Variants in MEIS3 observed in about 807,000 individuals in gnomAD.
The protein encoded by MEIS3 is homeobox protein Meis3.
Under a neutral mutation model 51.4 loss-of-function variants are expected in MEIS3, and 38 were observed. The observed-to-expected ratio is 0.74, with a 90% CI of 0.57 to 0.97. The LOEUF is 0.97. Ranked by LOEUF, MEIS3 falls within the 50% of genes least tolerant of loss-of-function variation. The pLI, the probability that MEIS3 is intolerant of heterozygous loss-of-function variation, is 0.00. For synonymous variants in MEIS3, 198 were observed against 201.8 expected, an observed-to-expected ratio of 0.98 and a Z score of 0.16; for missense variants, 456 against 502.6, an observed-to-expected ratio of 0.91 and a Z score of 0.89.
intron 1 of MEIS3, chr19:47,418,835 AAGG>A (rs1191154178): frequency 7.8e-6 from 3 of 383,566 alleles, no homozygotes; most frequent in Non-Finnish European, 1.4e-5. Context: ...GGGCAGGGAG[AAGG>A]AGAAGCTAAA....
chr19:47,421,540 A>T (rs1050770618), upstream of MEIS3, among the ~76,000 whole-genome samples: 1 of 151,842 alleles, frequency 6.6e-6, no homozygotes, highest in African/African-American at 2.4e-5. Flanking sequence ...CTCTTTATCA[A>T]CCGCTCTGTG....
rs760904799 is a variant in MEIS3 at position 47,409,177 on chromosome 19, T to C, written c.780A>G (p.Arg260=). The C allele has an allele frequency of 6.2e-7, 1 of 1,612,740 alleles. No individual in the cohort carries two copies. Among genetic ancestry groups the C allele is most frequent in the Non-Finnish European group, 8.5e-7 (1 of 1,179,996 alleles). ...GGEDEDLDQE[R]RRNKKRGIFP... ...AGATCCCCCTCTTCTTGTTTCGCCG[T>C]CGCTCCTGGTCCAAGTCCTCATCTT... Residue 260 remains arginine (R), a synonymous_variant, in exon 8 of 13, where the codon CGA becomes CGG. Coordinates refer to ENST00000558555, the MANE Select transcript of MEIS3 (RefSeq NM_001301059.2).
intron 4 of MEIS3, 21 bp from the exon 5 acceptor site, chr19:47,415,122 TGG>T: frequency 1.8e-6 from 1 of 559,390 alleles, no homozygotes; most frequent in Non-Finnish European, 2.2e-6. Flanking sequence ...GGGCGGGAGG[TGG>T]GGGGAGACAG....
chr19:47,408,953 T>C, intron 8 of MEIS3, 146 bp downstream of exon 8: 1 of 904,112 alleles, frequency 1.1e-6, no homozygotes, highest in Non-Finnish European at 1.7e-6. Context: ...CTGGCTCCTG[T>C]CACAATTCTC....
At chr19:47,412,317 T>C (rs1971174052) in intron 6 of MEIS3, 1 of 152,306 alleles carries the variant, frequency 6.6e-6, no homozygotes, top group East Asian at 1.9e-4. Context: ...TTAACTGTAT[T>C]CTTCTACCAA....
rs933578878 is a variant in MEIS3, at chr19:47,403,421, C to A, written c.*150G>T. The A allele has an allele frequency of 8.8e-6, 4 of 454,852 alleles. No homozygotes were observed. In the East Asian group the frequency reaches 2.8e-4, roughly 32 times the overall value. The allele number at this position is 454,852 out of a possible 1,614,324, so 28.2% of individuals were successfully genotyped here. On this transcript the variant is annotated 3_prime_UTR_variant, in exon 13 of 13. Transcript: ENST00000558555. The stretch of plus-strand genomic sequence containing the variant: ...GAGCCCTTGGATGGGCACTCAGGCC[C>A]CCATGTCCCAGCAGGGCCCTAGGGA...
chr19:47,417,328 G>C lies in MEIS3; in HGVS notation c.35C>G (p.Pro12Arg). The C allele has an allele frequency of 1.2e-6, 2 of 1,613,544 alleles. No homozygotes were observed. The highest frequency in any genetic ancestry group is 1.7e-6 in the Non-Finnish European group (2 of 1,179,848). ...GGCTGCGGGGCCATCCACGATGCCT[G>C]GGTAGTGCGGCAGCTCATCATACTG... ...ARRYDELPHY[P>R]GIVDGPAALA... The change falls in exon 2 of 13, where the codon CCA becomes CGA. Residue 12 changes from proline (P) to arginine (R), a missense_variant. Pro to Arg is a moderately radical substitution (Grantham distance 103). Coordinates refer to ENST00000558555, the MANE Select transcript of MEIS3 (RefSeq NM_001301059.2).
intron 1 of MEIS3, 53 bp from the exon 2 acceptor site, chr19:47,417,403 C>CT: frequency 6.2e-7 from 1 of 1,600,832 alleles, no homozygotes; most frequent in Non-Finnish European, 8.5e-7. Context: ...GTCAGCACCC[C>CT]GAGACTCGGC....
chr19:47,406,581 G>T, intron 11 of MEIS3, 55 bp from the exon 12 acceptor site: 1 of 1,546,514 alleles, frequency 6.5e-7, no homozygotes, highest in Non-Finnish European at 8.9e-7. Flanking sequence ...ACCCCCAGAT[G>T]CCTCTAAGTC....
chr19:47,407,871 G>A (rs1320528678), intron 8 of MEIS3, among the ~76,000 whole-genome samples: 3 of 151,832 alleles, frequency 2.0e-5, no homozygotes, highest in East Asian at 1.9e-4. Context: ...GCAGTGGCGC[G>A]ATCTCTGCTC....
In MEIS3 at chr19:47,409,162, C is replaced by T; in HGVS notation, c.795G>A (p.Lys265=). ...TGGCCACCTTGGGGAAGATCCCCCT[C>T]TTCTTGTTTCGCCGTCGCTCCTGGT... is the stretch of plus-strand genomic sequence containing the variant. ...DLDQERRRNK[K]RGIFPKVATN... is the part of the protein sequence containing the mutation. The change falls in exon 8 of 13, where the codon AAG becomes AAA. Residue 265 remains lysine (K), a synonymous_variant. Transcript: ENST00000558555. 6.2e-7 allele frequency: 1 copy of T among 1,612,558 alleles called. No individual in the cohort carries two copies. Among genetic ancestry groups the T allele is most frequent in the South Asian group, 1.1e-5 (1 of 91,032 alleles).
chr19:47,416,660 C>T lies in MEIS3; in HGVS notation c.388G>A (p.Asp130Asn), dbSNP rs1322997331. The T allele has an allele frequency of 6.5e-7, 1 of 1,545,204 alleles. No individual in the cohort carries two copies. Among genetic ancestry groups the T allele is most frequent in the Non-Finnish European group, 8.7e-7 (1 of 1,144,128 alleles). ...GAGGGCTCGGGTCTCACCAGATTGT[C>T]CAGTTCTGGGTTGGAGGAGAAGAGG... ...RPLFSSNPEL[D>N]NLMIQAIQVL... The change falls in exon 4 of 13, where the codon GAC becomes AAC. Residue 130 changes from aspartate (D) to asparagine (N), a missense_variant. Physicochemically the swap from Asp to Asn is conservative, Grantham distance 23 (BLOSUM62 1). Transcript: ENST00000558555.
chr19:47,410,802 C>A, intron 6 of MEIS3, among the ~76,000 whole-genome samples: 1 of 152,264 alleles, frequency 6.6e-6, no homozygotes. Flanking sequence ...CAATAATAGT[C>A]CTGACAGTGT....
intron 1 of MEIS3, chr19:47,417,962 C>T (rs946383644): frequency 2.0e-6 from 1 of 504,528 alleles, no homozygotes; most frequent in Non-Finnish European, 3.5e-6. Context: ...CAGCCCAACA[C>T]CAGGCACAAG....
chr19:47,419,010 G>T (rs1971599442), intron 1 of MEIS3, 60 bp downstream of exon 1: 2 of 1,119,444 alleles, frequency 1.8e-6, no homozygotes, highest in Non-Finnish European at 2.2e-6. Flanking sequence ...GAGAGTGGGG[G>T]ATGCAGGGAC....
chr19:47,407,468 G>T, intron 8 of MEIS3, 40 bp from the exon 9 acceptor site: 1 of 1,613,714 alleles, frequency 6.2e-7, no homozygotes. Flanking sequence ...TGCCTGGCCG[G>T]CCGCAGTCTG....
chr19:47,413,022 C>T (rs1971213768), intron 6 of MEIS3, among the ~76,000 whole-genome samples: 1 of 151,468 alleles, frequency 6.6e-6, no homozygotes, highest in African/African-American at 2.4e-5. Flanking sequence ...TCTACATTTT[C>T]CTTTCTGTGA....
intron 8 of MEIS3, chr19:47,407,710 G>A (rs1035258275): frequency 1.8e-5 from 10 of 563,326 alleles, no homozygotes; most frequent in African/African-American, 3.9e-5. Flanking sequence ...CTCCTGTGGC[G>A]TGGGGGAGGG....
At chr19:47,415,655 C>T (rs1351217599) in intron 4 of MEIS3, among the ~76,000 whole-genome samples, 1 of 149,744 alleles carries the variant, frequency 6.7e-6, no homozygotes, top group Admixed American at 6.7e-5. Flanking sequence ...CTCACTGCAA[C>T]CTCTGCCTCC....
Sources: gnomAD v4.1 joint callset for allele counts (sites outside exome capture counted in the v4.1 genomes callset) on GRCh38, gnomAD v4.1.1 for gene constraint, MANE v1.5 for transcripts, NCBI Gene and HGNC (gene_info 2026-07-23, HGNC 2026-07-21) for gene names.